Variants in FANCC observed in about 807,000 individuals in gnomAD.
The protein encoded by FANCC is Fanconi anemia group C protein.
Under a neutral mutation model 71.3 loss-of-function variants are expected in FANCC, and 55 were observed. That is an observed-to-expected ratio of 0.77 (90% CI 0.62 to 0.97). The LOEUF is 0.97. FANCC is among the 50% of genes least tolerant of loss of function. FANCC has a pLI of 0.00. For missense variants in FANCC, 678 were observed against 670.9 expected, an observed-to-expected ratio of 1.01 and a Z score of -0.12; for synonymous variants, 275 against 244.9, an observed-to-expected ratio of 1.12 and a Z score of -1.15.
chr9:95,170,871 C>A lies in FANCC; in HGVS notation c.521+208G>T, dbSNP rs535929348. On this transcript the variant is annotated intron_variant, in intron 6 of 14. Coordinates refer to ENST00000289081, the MANE Select transcript of FANCC (RefSeq NM_000136.3). ...CAAAAGACATTGTATGATTTACTTACTGCTCTGTGAGAGTTGAGAAAATAG... is the reference window on the plus strand; with the variant it reads ...CAAAAGACATTGTATGATTTACTTAATGCTCTGTGAGAGTTGAGAAAATAG... 3.9e-5 allele frequency among the ~76,000 whole-genome samples: 6 copies of A among 152,224 alleles called. No homozygotes were observed. The South Asian group carries it at 1.2e-3, about 32-fold the overall frequency.
At chr9:95,114,829 A>C (rs1199239809) in intron 11 of FANCC, 119 bp from the exon 12 acceptor site, 2 of 819,492 alleles carry the variant, frequency 2.4e-6, no homozygotes, top group African/African-American at 3.3e-5. Flanking sequence ...TGGTTCACGG[A>C]ACCCAATACT....
intron 7 of FANCC, among the ~76,000 whole-genome samples, chr9:95,147,900 C>T (rs1829775616): frequency 6.6e-6 from 1 of 152,230 alleles, no homozygotes. Flanking sequence ...AACTTAAGCA[C>T]AGAAGCTCTT....
intron 1 of FANCC, among the ~76,000 whole-genome samples, chr9:95,312,846 G>A (rs1835491390): frequency 6.6e-6 from 1 of 152,220 alleles, no homozygotes; most frequent in South Asian, 2.1e-4. Flanking sequence ...AGGGAGCACA[G>A]CCATGGCTCA....
At chr9:95,242,285 T>A (rs572671393) in intron 3 of FANCC, among the ~76,000 whole-genome samples, 8 of 152,240 alleles carry the variant, frequency 5.3e-5, no homozygotes, top group South Asian at 4.2e-4. Flanking sequence ...CTAGGATTCT[T>A]CAGGTTTAAC....
At chr9:95,155,263 AGG>A (rs1564702880) in intron 6 of FANCC, among the ~76,000 whole-genome samples, 1 of 60,206 alleles carries the variant, frequency 1.7e-5, no homozygotes, top group Non-Finnish European at 3.3e-5. Flanking sequence ...AGGGGAGGGG[AGG>A]GGAGGAAAGG....
chr9:95,301,325 T>C (rs1834719701), intron 1 of FANCC, among the ~76,000 whole-genome samples: 1 of 152,188 alleles, frequency 6.6e-6, no homozygotes, highest in East Asian at 1.9e-4. Context: ...ATATTTATAA[T>C]ATCATAACAT....
intron 4 of FANCC, among the ~76,000 whole-genome samples, chr9:95,229,337 T>C (rs1829839729): frequency 6.7e-6 from 1 of 149,262 alleles, no homozygotes; most frequent in Non-Finnish European, 1.5e-5. Flanking sequence ...GTTGAGACTC[T>C]AGGAGAGCAC....
chr9:95,200,216 G>C (rs1452275853), intron 4 of FANCC, among the ~76,000 whole-genome samples: 1 of 152,126 alleles, frequency 6.6e-6, no homozygotes. Context: ...CTGGATCTCA[G>C]AGCAAAGCTG....
chr9:95,218,484 G>A (rs1482397813), intron 4 of FANCC, among the ~76,000 whole-genome samples: 1 of 152,008 alleles, frequency 6.6e-6, no homozygotes, highest in African/African-American at 2.4e-5. Flanking sequence ...TAATAAGAGT[G>A]AATTACCCTG....
chr9:95,102,776 G>T (rs2071159035), intron 14 of FANCC, among the ~76,000 whole-genome samples: 1 of 152,228 alleles, frequency 6.6e-6, no homozygotes, highest in Non-Finnish European at 1.5e-5. Context: ...ACTAAAGGGA[G>T]CCTCTTGTCG....
At chr9:95,130,584 G>A (rs754852989) in intron 8 of FANCC, among the ~76,000 whole-genome samples, 2 of 152,144 alleles carry the variant, frequency 1.3e-5, no homozygotes, top group Non-Finnish European at 2.9e-5. Flanking sequence ...TCATGTACTT[G>A]CATGTAGCTT....
chr9:95,292,113 T>G (rs949581440), intron 1 of FANCC, among the ~76,000 whole-genome samples: 1 of 149,664 alleles, frequency 6.7e-6, no homozygotes, highest in Non-Finnish European at 1.5e-5. Flanking sequence ...AGTACTGACA[T>G]AAAAACACAC....
rs909349657 is a variant in FANCC, at chr9:95,317,675, G to A, written c.-228C>T. Reference sequence around the variant, plus strand: ...TTTCCCGCGGTCGCCCGGCAGTGGAGCCGCGCGCGCGCACACGTGTCAGCA... The same window carrying A: ...TTTCCCGCGGTCGCCCGGCAGTGGAACCGCGCGCGCGCACACGTGTCAGCA... On this transcript the variant is annotated 5_prime_UTR_variant, in exon 1 of 15. Transcript: ENST00000289081. The A allele has an allele frequency of 1.3e-5, 2 of 152,230 alleles. No homozygotes were observed. The highest frequency in any genetic ancestry group is 4.8e-5 in the African/African-American group (2 of 41,452). The allele number at this position is 152,230 out of a possible 1,614,324, so 9.4% of individuals were successfully genotyped here.
rs533795486 is a variant in FANCC, at chr9:95,307,123, G to T, written c.-79+10403C>A. On this transcript the variant is annotated intron_variant, in intron 1 of 14. Transcript: ENST00000289081. Reference sequence around the variant, plus strand: ...TCGTCCTGAACTTACGGGCTCAAGTGATCTGCCCACCTCTGCCTCCCAAAG... The same window carrying T: ...TCGTCCTGAACTTACGGGCTCAAGTTATCTGCCCACCTCTGCCTCCCAAAG... Among the ~76,000 whole-genome samples the T allele has an allele frequency of 2.6e-5, 4 of 152,228 alleles. No homozygotes were observed. The South Asian group carries it at 8.3e-4, about 32-fold the overall frequency.
chr9:95,104,784 G>A (rs2071311749), intron 14 of FANCC, among the ~76,000 whole-genome samples: 1 of 152,106 alleles, frequency 6.6e-6, no homozygotes, highest in Admixed American at 6.5e-5. Context: ...ACTCACACGG[G>A]CCACAGGGTT....
rs138525504 is a variant in FANCC, at chr9:95,235,635, G to T, written c.345+5014C>A. ...TGAGGTGGGCAGATCACGTGAGGTC[G>T]GGAGTTTGAGACCAGCCCGACCAAC... On this transcript the variant is annotated intron_variant, in intron 4 of 14. Coordinates refer to ENST00000289081, the MANE Select transcript of FANCC (RefSeq NM_000136.3). Among the ~76,000 whole-genome samples, 92 of 151,990 alleles carry T rather than the reference G, an allele frequency of 6.1e-4. 1 individual carries two copies. In the East Asian group the frequency reaches 0.016, roughly 26 times the overall value.
chr9:95,160,217 A>G (rs1830665690), intron 6 of FANCC, among the ~76,000 whole-genome samples: 1 of 152,166 alleles, frequency 6.6e-6, no homozygotes, highest in African/African-American at 2.4e-5. Flanking sequence ...AGGTGTAAGG[A>G]AGGGATCCAG....
intron 1 of FANCC, among the ~76,000 whole-genome samples, chr9:95,305,814 AGAAATGAC>A (rs1392615851): frequency 1.3e-5 from 2 of 152,248 alleles, no homozygotes; most frequent in East Asian, 3.8e-4. Flanking sequence ...AAGCTTGAAA[AGAAATGAC>A]TTCTCAGCCT....
At chr9:95,174,470 G>C (rs1825888114) in intron 4 of FANCC, among the ~76,000 whole-genome samples, 1 of 151,770 alleles carries the variant, frequency 6.6e-6, no homozygotes, top group Admixed American at 6.6e-5. Flanking sequence ...CAGTTTCTAG[G>C]GTGGTGCTAG....
Sources: allele counts gnomAD v4.1 joint callset (sites outside exome capture counted in the v4.1 genomes callset), GRCh38; gene constraint gnomAD v4.1.1; transcripts MANE v1.5; gene names NCBI Gene and HGNC (gene_info 2026-07-23, HGNC 2026-07-21).